Variants in LRRC8A observed in about 807,000 individuals in gnomAD.
LRRC8A encodes leucine rich repeat containing 8 VRAC subunit A.
Under a neutral mutation model 52.5 loss-of-function variants are expected in LRRC8A, and 24 were observed. The ratio of observed to expected loss-of-function variants is 0.46; its 90% CI spans 0.33 to 0.64. The LOEUF is 0.64. LRRC8A is among the 30% of genes least tolerant of loss of function. The pLI is 0.02. For synonymous variants in LRRC8A, 492 were observed against 494.2 expected (o/e 1.00, Z 0.06); for missense variants, 677 against 1,094.7 (o/e 0.62, Z 5.38).
chr9:128,885,950 G>C (rs1262946939), intron 1 of LRRC8A, 65 bp from the exon 2 acceptor site: 1 of 152,248 alleles, frequency 6.6e-6, no homozygotes. Context: ...AAGTGCTGGC[G>C]GTGTGGCAGG....
intron 2 of LRRC8A, among the ~76,000 whole-genome samples, chr9:128,905,288 T>G (rs1840200398): frequency 1.3e-5 from 2 of 152,256 alleles, no homozygotes; most frequent in African/African-American, 4.8e-5. Context: ...TTCTTCTTTT[T>G]TTGCTGCTAC....
At chr9:128,910,174 G>A (rs1002588434) in intron 3 of LRRC8A, among the ~76,000 whole-genome samples, 5 of 152,202 alleles carry the variant, frequency 3.3e-5, no homozygotes, top group Admixed American at 6.5e-5. Flanking sequence ...TGTGGGGAAC[G>A]TCCCTCTTCC....
rs1039399257 is a variant in LRRC8A, at chr9:128,911,305, C to T, written c.2157+1984C>T. 6.6e-6 allele frequency among the ~76,000 whole-genome samples: 1 copy of T among 152,166 alleles called. No homozygotes were observed. The highest frequency in any genetic ancestry group is 1.5e-5 in the Non-Finnish European group (1 of 68,030). On this transcript the variant is annotated intron_variant, in intron 3 of 3. Transcript: ENST00000372600. The surrounding 1 kb of genome is among the most constrained non-coding windows in gnomAD (Gnocchi z 4.9). Reference sequence around the variant, plus strand: ...AACCCACATGTATCAGGGATTTTGACAAGTCCTTATCTCCGGCCACCCCAT... The same window carrying T: ...AACCCACATGTATCAGGGATTTTGATAAGTCCTTATCTCCGGCCACCCCAT...
intron 2 of LRRC8A, among the ~76,000 whole-genome samples, chr9:128,896,004 C>T (rs370775886): frequency 4.1e-4 from 63 of 152,270 alleles, no homozygotes; most frequent in African/African-American, 1.4e-3. Context: ...CGCACGCACA[C>T]ACTTGAATGT....
At chr9:128,904,862 TG>T (rs1285816242) in intron 2 of LRRC8A, among the ~76,000 whole-genome samples, 7 of 148,872 alleles carry the variant, frequency 4.7e-5, no homozygotes, top group Admixed American at 3.3e-4. Flanking sequence ...CCGGGTGTGG[TG>T]GGCGGGTGCC....
intron 2 of LRRC8A, among the ~76,000 whole-genome samples, chr9:128,886,825 C>A (rs1204378398): frequency 6.6e-6 from 1 of 152,228 alleles, no homozygotes; most frequent in Non-Finnish European, 1.5e-5. Flanking sequence ...GCCAGACATA[C>A]TCAGGTCGGT....
At chr9:128,900,925 C>T (rs1274061392) in intron 2 of LRRC8A, among the ~76,000 whole-genome samples, 1 of 151,396 alleles carries the variant, frequency 6.6e-6, no homozygotes, top group Non-Finnish European at 1.5e-5. Flanking sequence ...CTGTAATCCC[C>T]GCACTGTGGG....
chr9:128,898,886 A>G (rs1839922419), intron 2 of LRRC8A, among the ~76,000 whole-genome samples: 1 of 152,204 alleles, frequency 6.6e-6, no homozygotes, highest in Admixed American at 6.5e-5. Context: ...CCCACAGGGC[A>G]TTTGTCACCT....
rs141527072 is a variant in LRRC8A at position 128,907,431 on chromosome 9, C to T, written c.267C>T (p.Thr89=). 347 of 1,613,654 alleles carry T rather than the reference C, an allele frequency of 2.2e-4. 2 individuals carry two copies. The African/African-American group carries it at 4.3e-3, about 20-fold the overall frequency. Residue 89 remains threonine (T), a synonymous_variant, in exon 3 of 4, where the codon ACC becomes ACT. Transcript: ENST00000372600. The surrounding 1 kb of genome is among the most constrained non-coding windows in gnomAD (Gnocchi z 9.3). ...ACCCCAACTCCACCATTCTGCCGAC[C>T]CCTGACACGGGCCCCACAGGCATCA... ...PTYPNSTILP[T]PDTGPTGIKY...
At chr9:128,895,999 G>A (rs888591257) in intron 2 of LRRC8A, among the ~76,000 whole-genome samples, 1 of 152,204 alleles carries the variant, frequency 6.6e-6, no homozygotes, top group African/African-American at 2.4e-5. Context: ...ATGCACGCAC[G>A]CACACACTTG....
At chr9:128,915,925 G>T (rs1840794176) in intron 3 of LRRC8A, among the ~76,000 whole-genome samples, 171 bp from the exon 4 acceptor site, 1 of 152,192 alleles carries the variant, frequency 6.6e-6, no homozygotes, top group South Asian at 2.1e-4. Context: ...CAAGAGCTGA[G>T]ACCTGGTGCA....
At chr9:128,887,402 G>C (rs1384424054) in intron 2 of LRRC8A, among the ~76,000 whole-genome samples, 2 of 152,060 alleles carry the variant, frequency 1.3e-5, no homozygotes, top group African/African-American at 4.8e-5. Flanking sequence ...GGGTTCAAGA[G>C]ATGCTCCTGC....
At position 128,908,797 on chromosome 9, in the gene LRRC8A, C is replaced by T. The variant is rs368145523; in HGVS notation, c.1633C>T (p.Arg545Cys). ...CATCGACGGGCTGCGGGAGCTCAAA[C>T]GCCTCAAGGTGCTGCGGCTCAAGAG... ...IVIDGLRELK[R>C]LKVLRLKSNL... is the part of the protein sequence containing the mutation. The change falls in exon 3 of 4, where the codon CGC (arginine) becomes TGC (cysteine). Residue 545 changes from arginine to cysteine, a missense_variant. Coordinates refer to ENST00000372600, the MANE Select transcript of LRRC8A (RefSeq NM_019594.4). 2.5e-5 allele frequency: 41 copies of T among 1,613,332 alleles called. No individual in the cohort carries two copies. Among genetic ancestry groups the T allele is most frequent in the Middle Eastern group, 1.6e-4 (1 of 6,084 alleles).
intron 2 of LRRC8A, among the ~76,000 whole-genome samples, chr9:128,903,279 C>G (rs1394829321): frequency 1.3e-5 from 2 of 152,206 alleles, no homozygotes; most frequent in Non-Finnish European, 2.9e-5. Flanking sequence ...TGGCCATCAT[C>G]ACCCTTGCTG....
At chr9:128,886,773 C>A (rs1373666996) in intron 2 of LRRC8A, among the ~76,000 whole-genome samples, 1 of 152,168 alleles carries the variant, frequency 6.6e-6, no homozygotes, top group Admixed American at 6.5e-5. Context: ...AGAAGGTGGT[C>A]CCGAGTCATA....
At chr9:128,883,848 C>A (rs1245893911) in intron 1 of LRRC8A, among the ~76,000 whole-genome samples, 1 of 152,160 alleles carries the variant, frequency 6.6e-6, no homozygotes, top group African/African-American at 2.4e-5. Flanking sequence ...GGGCTGCGCA[C>A]CCGTAATCCC....
chr9:128,882,581 C>G, intron 1 of LRRC8A: 1 of 397,950 alleles, frequency 2.5e-6, no homozygotes, highest in Non-Finnish European at 4.4e-6. Context: ...GATCCTCACC[C>G]CTCCACACAC....
intron 3 of LRRC8A, among the ~76,000 whole-genome samples, chr9:128,914,088 C>T: frequency 6.6e-6 from 1 of 152,042 alleles, no homozygotes; most frequent in Non-Finnish European, 1.5e-5. Context: ...GGCTGTAATC[C>T]CAGCTACTCG....
Position 128,907,664 on chromosome 9 carries a change from C to T in LRRC8A, c.500C>T (p.Pro167Leu). 1 of 1,614,038 alleles carries T rather than the reference C, an allele frequency of 6.2e-7. No homozygotes were observed. Among genetic ancestry groups the T allele is most frequent in the Non-Finnish European group, 8.5e-7 (1 of 1,180,028 alleles). ...VSILLKCFDSPWTTRALSETV... is the reference protein window; with the variant it reads ...VSILLKCFDSLWTTRALSETV... Reference sequence around the variant, plus strand: ...ATCCTGCTGAAGTGCTTCGACTCGCCCTGGACCACGAGGGCCCTGTCGGAG... The same window carrying T: ...ATCCTGCTGAAGTGCTTCGACTCGCTCTGGACCACGAGGGCCCTGTCGGAG... The change falls in exon 3 of 4, where the codon CCC (proline) becomes CTC (leucine). Residue 167 changes from proline (P) to leucine (L), a missense_variant. Physicochemically the swap from Pro to Leu is moderately conservative, Grantham distance 98. Coordinates refer to ENST00000372600, the MANE Select transcript of LRRC8A (RefSeq NM_019594.4). The surrounding 1 kb of genome is among the most constrained non-coding windows in gnomAD (Gnocchi z 9.3).
Sources: allele counts gnomAD v4.1 joint callset (sites outside exome capture counted in the v4.1 genomes callset), GRCh38; gene constraint gnomAD v4.1.1; non-coding constraint Gnocchi (gnomAD v3.1); transcripts MANE v1.5; gene names NCBI Gene and HGNC (gene_info 2026-07-23, HGNC 2026-07-21).